MACROD2: variants seen among roughly 807,000 people sequenced by gnomAD.
The protein encoded by MACROD2 is ADP-ribose glycohydrolase MACROD2.
Under a neutral mutation model 70.4 loss-of-function variants are expected in MACROD2, and 36 were observed. The ratio of observed to expected loss-of-function variants is 0.51; its 90% CI spans 0.39 to 0.68. The LOEUF (loss-of-function observed/expected upper bound fraction) is 0.68, where lower values mean the gene tolerates loss of function less well. Among genes scored for constraint, MACROD2 ranks in the 30% least tolerant of loss-of-function variants. The pLI is 0.00. For synonymous variants in MACROD2, 172 were observed against 178.8 expected (o/e 0.96, Z 0.30); for missense variants, 496 against 538.4 (o/e 0.92, Z 0.78).
At chr20:15,625,800 A>G (rs919625851) in intron 8 of MACROD2, among the ~76,000 whole-genome samples, 1 of 150,582 alleles carries the variant, frequency 6.6e-6, no homozygotes, top group African/African-American at 2.4e-5. Flanking sequence ...TTCCAGCAAT[A>G]CATGCAAACT....
intron 7 of MACROD2, among the ~76,000 whole-genome samples, chr20:15,468,730 C>T (rs1258658318): frequency 6.6e-6 from 1 of 152,170 alleles, no homozygotes; most frequent in African/African-American, 2.4e-5. Context: ...GATAGATCTT[C>T]TGTATCAAAA....
chr20:15,292,877 C>T lies in MACROD2; in HGVS notation c.540+62816C>T, dbSNP rs180892095. 7.0e-3 allele frequency among the ~76,000 whole-genome samples: 1,067 copies of T among 151,692 alleles called. 6 individuals carry two copies. Among genetic ancestry groups the T allele is most frequent in the Non-Finnish European group, 0.012 (829 of 67,868 alleles). On this transcript the variant is annotated intron_variant, in intron 6 of 17. Coordinates refer to ENST00000684519, the MANE Select transcript of MACROD2 (RefSeq NM_001351661.2). Reference sequence around the variant, plus strand: ...TTTATTACTGTTAGTGGAAGATTTTCTTTGCCTTGTTTATGAATTTTAATC... The same window carrying T: ...TTTATTACTGTTAGTGGAAGATTTTTTTTGCCTTGTTTATGAATTTTAATC...
intron 7 of MACROD2, among the ~76,000 whole-genome samples, chr20:15,492,022 C>T (rs760178392): frequency 6.6e-6 from 1 of 152,208 alleles, no homozygotes; most frequent in Non-Finnish European, 1.5e-5. Flanking sequence ...ACTAGGTGCC[C>T]CTTTGTGCTC....
intron 6 of MACROD2, among the ~76,000 whole-genome samples, chr20:15,406,182 C>T (rs558903442): frequency 1.9e-4 from 29 of 152,232 alleles, no homozygotes; most frequent in Admixed American, 7.2e-4. Context: ...AGTTTGATGC[C>T]GTTGTCATTT....
At chr20:14,387,670 A>C (rs1354665070) in intron 3 of MACROD2, among the ~76,000 whole-genome samples, 1 of 152,218 alleles carries the variant, frequency 6.6e-6, no homozygotes, top group Non-Finnish European at 1.5e-5. Flanking sequence ...CCAACAAGCC[A>C]TACCAAGTAC....
At chr20:14,802,777 T>TACACAC (rs11468914) in intron 5 of MACROD2, among the ~76,000 whole-genome samples, 6 of 148,424 alleles carry the variant, frequency 4.0e-5, no homozygotes, top group Middle Eastern at 3.4e-3. Context: ...CATACACACA[T>TACACAC]ACACACACAC....
chr20:15,316,344 T>TA (rs2077810520), intron 6 of MACROD2, among the ~76,000 whole-genome samples: 1 of 150,208 alleles, frequency 6.7e-6, no homozygotes, highest in Non-Finnish European at 1.5e-5. Flanking sequence ...AAAGCAAAAA[T>TA]ATGGATAAAG....
At chr20:15,524,436 A>G (rs563722559) in intron 8 of MACROD2, among the ~76,000 whole-genome samples, 2 of 152,288 alleles carry the variant, frequency 1.3e-5, no homozygotes, top group East Asian at 3.9e-4. Flanking sequence ...TCAAGCATTG[A>G]GATTAAAAAA....
intron 8 of MACROD2, among the ~76,000 whole-genome samples, chr20:15,634,910 T>C (rs200770): frequency 1 from 152,202 of 152,398 alleles, 76,005 homozygotes; most frequent in Middle Eastern, 1. Flanking sequence ...TGCTGCTATT[T>C]TTGTTGGTGA....
chr20:16,003,863 G>T (rs2147511031), intron 15 of MACROD2, among the ~76,000 whole-genome samples: 1 of 152,220 alleles, frequency 6.6e-6, no homozygotes. Flanking sequence ...CAGAGACAGG[G>T]TTTCACCATG....
At chr20:14,938,812 G>C (rs2074364042) in intron 5 of MACROD2, among the ~76,000 whole-genome samples, 1 of 151,984 alleles carries the variant, frequency 6.6e-6, no homozygotes, top group Non-Finnish European at 1.5e-5. Context: ...AACAGAATTT[G>C]TGGTCAGGGA....
At chr20:15,057,585 A>G (rs1412097266) in intron 5 of MACROD2, among the ~76,000 whole-genome samples, 1 of 152,186 alleles carries the variant, frequency 6.6e-6, no homozygotes, top group Non-Finnish European at 1.5e-5. Context: ...CCTTGCAACC[A>G]TGACACTAAC....
chr20:14,448,188 G>A (rs1242533417), intron 3 of MACROD2, among the ~76,000 whole-genome samples: 2 of 152,010 alleles, frequency 1.3e-5, no homozygotes, highest in Non-Finnish European at 2.9e-5. Context: ...AGTAGGGGAA[G>A]AGGGATGGTA....
intron 8 of MACROD2, among the ~76,000 whole-genome samples, chr20:15,721,109 C>G (rs929563991): frequency 6.6e-6 from 1 of 152,132 alleles, no homozygotes; most frequent in Non-Finnish European, 1.5e-5. Context: ...ATAACCTACA[C>G]ATGGGTGGGC....
chr20:14,414,880 ACT>A (rs1271201205), intron 3 of MACROD2, among the ~76,000 whole-genome samples: 14 of 146,440 alleles, frequency 9.6e-5, no homozygotes, highest in Non-Finnish European at 1.3e-4. Context: ...TATTTAAAAA[ACT>A]CTGTTCCCAA....
intron 6 of MACROD2, among the ~76,000 whole-genome samples, chr20:15,338,352 A>G (rs928074085): frequency 1.3e-5 from 2 of 151,558 alleles, no homozygotes; most frequent in Non-Finnish European, 2.9e-5. Context: ...AATCTAGCCA[A>G]TTCTTTTGAG....
chr20:14,209,734 G>T (rs1335688364), intron 3 of MACROD2, among the ~76,000 whole-genome samples: 4 of 152,118 alleles, frequency 2.6e-5, no homozygotes, highest in Non-Finnish European at 5.9e-5. Flanking sequence ...TAAGAGGAAT[G>T]AGCATGGGGG....
At chr20:14,510,142 C>T (rs1040036722) in intron 4 of MACROD2, among the ~76,000 whole-genome samples, 1 of 151,874 alleles carries the variant, frequency 6.6e-6, no homozygotes, top group Non-Finnish European at 1.5e-5. Context: ...ATTATCTTAG[C>T]GTTGGTGTTT....
intron 6 of MACROD2, among the ~76,000 whole-genome samples, chr20:15,235,206 A>G (rs1338359828): frequency 2.6e-5 from 4 of 152,238 alleles, no homozygotes; most frequent in African/African-American, 9.6e-5. Context: ...CATATAAGCC[A>G]GATTTTACTT....
Sources: allele counts gnomAD v4.1 joint callset (sites outside exome capture counted in the v4.1 genomes callset), GRCh38; gene constraint gnomAD v4.1.1; transcripts MANE v1.5; gene names NCBI Gene and HGNC (gene_info 2026-07-23, HGNC 2026-07-21).